NELL1: variants seen among roughly 807,000 people sequenced by gnomAD.
The protein encoded by NELL1 is neural EGFL like 1.
NELL1 carries 76 observed loss-of-function variants against 107.4 expected under a neutral mutation model. The ratio of observed to expected loss-of-function variants is 0.71; its 90% CI spans 0.59 to 0.86. The LOEUF (loss-of-function observed/expected upper bound fraction) is 0.86. Among genes scored for constraint, NELL1 ranks in the 40% least tolerant of loss-of-function variants. The pLI, the probability that NELL1 is intolerant of heterozygous loss-of-function variation, is 0.00. For synonymous variants in NELL1, 353 were observed against 341.2 expected, an observed-to-expected ratio of 1.03 and a Z score of -0.38; for missense variants, 1,024 against 1,005.5, an observed-to-expected ratio of 1.02 and a Z score of -0.25.
intron 14 of NELL1, among the ~76,000 whole-genome samples, chr11:21,300,258 G>A (rs1849465012): frequency 6.6e-6 from 1 of 152,006 alleles, no homozygotes; most frequent in Non-Finnish European, 1.5e-5. Flanking sequence ...AGGCAAAGCT[G>A]TGAGTCAGGG....
chr11:20,981,194 G>T (rs11025848), intron 12 of NELL1, among the ~76,000 whole-genome samples: 2 of 152,070 alleles, frequency 1.3e-5, no homozygotes, highest in African/African-American at 2.4e-5. Context: ...CAGACAAATA[G>T]GGAGAAAAAA....
chr11:21,374,949 A>G (rs901105583), intron 15 of NELL1, among the ~76,000 whole-genome samples: 6 of 150,916 alleles, frequency 4.0e-5, no homozygotes, highest in Non-Finnish European at 8.9e-5. Flanking sequence ...GTGTGTGCAC[A>G]TGCAGGTGTG....
chr11:20,694,020 C>T (rs2133870654), intron 2 of NELL1, among the ~76,000 whole-genome samples: 1 of 152,208 alleles, frequency 6.6e-6, no homozygotes, highest in South Asian at 2.1e-4. Context: ...TCCCTTCTCG[C>T]TTCATTTCAT....
chr11:20,906,995 G>A (rs1443329835), intron 5 of NELL1, among the ~76,000 whole-genome samples: 1 of 151,794 alleles, frequency 6.6e-6, no homozygotes, highest in Non-Finnish European at 1.5e-5. Context: ...AGTGCAAATG[G>A]GCAAGAAAAA....
chr11:21,311,366 T>A (rs1849745981), intron 14 of NELL1, among the ~76,000 whole-genome samples: 1 of 152,178 alleles, frequency 6.6e-6, no homozygotes, highest in African/African-American at 2.4e-5. Flanking sequence ...TTCACATGCC[T>A]GGGAAAATAA....
At chr11:21,564,391 T>C (rs2134005972) in intron 17 of NELL1, among the ~76,000 whole-genome samples, 1 of 152,090 alleles carries the variant, frequency 6.6e-6, no homozygotes, top group South Asian at 2.1e-4. Context: ...AAAAAGCTCC[T>C]GAGTAGCATG....
chr11:21,515,320 GA>G lies in NELL1; in HGVS notation c.1646-19048del, dbSNP rs141926775. Among the ~76,000 whole-genome samples, 595 of 152,040 alleles carry G rather than the reference GA, an allele frequency of 3.9e-3. 21 individuals carry two copies. In the East Asian group the frequency reaches 0.074, roughly 19 times the overall value. The stretch of plus-strand genomic sequence containing the variant: ...AGTAGCTTATTGAAAATTACTGAAA[GA>G]AAAAAGACATAGGAAAAGTAAAAGT... On this transcript the variant is annotated intron_variant, in intron 15 of 19. Transcript: ENST00000357134.
chr11:20,835,804 A>T (rs1848524694), intron 3 of NELL1, among the ~76,000 whole-genome samples: 2 of 152,338 alleles, frequency 1.3e-5, no homozygotes, highest in Non-Finnish European at 1.5e-5. Context: ...CTTTACTGTA[A>T]AATGCAAAAC....
intron 14 of NELL1, among the ~76,000 whole-genome samples, chr11:21,239,009 G>T (rs1858280242): frequency 6.6e-6 from 1 of 152,060 alleles, no homozygotes; most frequent in African/African-American, 2.4e-5. Flanking sequence ...TACTTCACGT[G>T]ACTGTAAAAA....
chr11:21,139,316 C>A (rs1855813269), intron 13 of NELL1, among the ~76,000 whole-genome samples: 1 of 152,188 alleles, frequency 6.6e-6, no homozygotes, highest in Non-Finnish European at 1.5e-5. Context: ...AACTCAGGGA[C>A]ACTTGCTTTT....
intron 2 of NELL1, among the ~76,000 whole-genome samples, chr11:20,776,840 A>T (rs866611544): frequency 5.3e-5 from 8 of 151,764 alleles, no homozygotes; most frequent in African/African-American, 1.9e-4. Context: ...ATCACAGTCG[A>T]CTCTGCTGGG....
At chr11:20,852,538 T>C (rs1037940901) in intron 4 of NELL1, among the ~76,000 whole-genome samples, 3 of 152,354 alleles carry the variant, frequency 2.0e-5, no homozygotes, top group Admixed American at 6.5e-5. Flanking sequence ...CAACATATTA[T>C]TTAACCTTGT....
At chr11:21,425,893 A>C (rs1852808633) in intron 15 of NELL1, among the ~76,000 whole-genome samples, 1 of 152,206 alleles carries the variant, frequency 6.6e-6, no homozygotes, top group African/African-American at 2.4e-5. Context: ...AAATGTTAAA[A>C]AATTAGAAAA....
At chr11:21,429,047 A>G (rs1327583952) in intron 15 of NELL1, among the ~76,000 whole-genome samples, 3 of 152,218 alleles carry the variant, frequency 2.0e-5, no homozygotes, top group Admixed American at 6.5e-5. Flanking sequence ...GGCTTTAAAT[A>G]ATAGACCTTT....
chr11:20,887,179 T>G (rs1032083550), intron 5 of NELL1, among the ~76,000 whole-genome samples: 11 of 152,254 alleles, frequency 7.2e-5, no homozygotes, highest in Admixed American at 2.6e-4. Context: ...CATTGTTTTC[T>G]ATTGCTGAGT....
intron 2 of NELL1, among the ~76,000 whole-genome samples, chr11:20,767,812 G>A (rs1326366849): frequency 6.6e-6 from 1 of 152,210 alleles, no homozygotes; most frequent in African/African-American, 2.4e-5. Context: ...TAAGGATGCA[G>A]CAGAGAAAAG....
At chr11:21,505,275 A>G (rs1855251872) in intron 15 of NELL1, among the ~76,000 whole-genome samples, 1 of 152,218 alleles carries the variant, frequency 6.6e-6, no homozygotes, top group East Asian at 1.9e-4. Flanking sequence ...TAACCTAAAT[A>G]TAATACAAGC....
chr11:21,353,029 G>C (rs1389736543), intron 14 of NELL1, among the ~76,000 whole-genome samples: 2 of 152,152 alleles, frequency 1.3e-5, no homozygotes, highest in Non-Finnish European at 2.9e-5. Context: ...GAGGACATGA[G>C]TAGATTCCTT....
In NELL1 at chr11:21,342,702, G is replaced by GGAGAGA. The variant is rs34390468; in HGVS notation, c.1550-28132_1550-28127dup. On this transcript the variant is annotated intron_variant, in intron 14 of 19. Transcript: ENST00000357134. ...AAAGAGATAGGAAAGGAAGGAAGAG[G>GGAGAGA]GAGAGAGAGAGAGAGAGAGAGAGAA... is the stretch of plus-strand genomic sequence containing the variant. Among the ~76,000 whole-genome samples the GGAGAGA allele has an allele frequency of 5.6e-3, 818 of 145,092 alleles. 8 individuals carry two copies. The highest frequency in any genetic ancestry group is 0.016 in the African/African-American group (625 of 38,948).
Sources: allele counts gnomAD v4.1 joint callset (sites outside exome capture counted in the v4.1 genomes callset), GRCh38; gene constraint gnomAD v4.1.1; transcripts MANE v1.5; gene names NCBI Gene and HGNC (gene_info 2026-07-23, HGNC 2026-07-21).